Variants in NKAIN2 observed in about 807,000 individuals in gnomAD.
NKAIN2 encodes the protein sodium/potassium-transporting ATPase subunit beta-1-interacting protein 2.
NKAIN2 carries 14 observed loss-of-function variants against 32.6 expected under a neutral mutation model. That is an observed-to-expected ratio of 0.43 (90% CI 0.28 to 0.67). The LOEUF (loss-of-function observed/expected upper bound fraction) is 0.67. NKAIN2 is among the 30% of genes least tolerant of loss of function. The probability of loss-of-function intolerance (pLI) is 0.17; values close to 1 mark genes in which losing one functional copy is unlikely to be tolerated. For synonymous variants in NKAIN2, 80 were observed against 87.2 expected, an observed-to-expected ratio of 0.92 and a Z score of 0.46; for missense variants, 198 against 258.3, an observed-to-expected ratio of 0.77 and a Z score of 1.60.
At chr6:124,110,863 G>A (rs937650518) in intron 1 of NKAIN2, among the ~76,000 whole-genome samples, 7 of 152,056 alleles carry the variant, frequency 4.6e-5, no homozygotes, top group African/African-American at 1.7e-4. Context: ...ACATGCAAGT[G>A]TATGTGTATT....
intron 4 of NKAIN2, among the ~76,000 whole-genome samples, chr6:124,739,091 C>T (rs1363287751): frequency 1.7e-5 from 2 of 120,676 alleles, no homozygotes; most frequent in Admixed American, 1.7e-4. Context: ...AATAGTTAAG[C>T]CAACTGTTCA....
At chr6:124,376,113 C>T (rs935395581) in intron 3 of NKAIN2, among the ~76,000 whole-genome samples, 5 of 152,062 alleles carry the variant, frequency 3.3e-5, no homozygotes, top group African/African-American at 1.2e-4. Flanking sequence ...TTTAATTACT[C>T]TCTAATTGGA....
chr6:124,566,774 A>G (rs1472936890), intron 3 of NKAIN2, among the ~76,000 whole-genome samples: 1 of 152,134 alleles, frequency 6.6e-6, no homozygotes, highest in Non-Finnish European at 1.5e-5. Flanking sequence ...GACATAATTG[A>G]GTACTAAAAA....
chr6:124,359,501 T>C (rs1477449977), intron 3 of NKAIN2, among the ~76,000 whole-genome samples: 1 of 152,204 alleles, frequency 6.6e-6, no homozygotes, highest in East Asian at 1.9e-4. Context: ...CCTTGTAAGT[T>C]GGAGTCCTAG....
chr6:124,349,652 A>G (rs1798620183), intron 2 of NKAIN2, among the ~76,000 whole-genome samples: 1 of 152,158 alleles, frequency 6.6e-6, no homozygotes. Context: ...TCCTTTTCTA[A>G]TTAAGTTCTT....
chr6:124,103,155 A>G (rs1784967822), intron 1 of NKAIN2, among the ~76,000 whole-genome samples: 1 of 152,228 alleles, frequency 6.6e-6, no homozygotes, highest in African/African-American at 2.4e-5. Context: ...TTAATTATAT[A>G]TGAAAGCAAA....
chr6:124,779,635 A>C (rs1420292704), intron 4 of NKAIN2, among the ~76,000 whole-genome samples: 1 of 152,134 alleles, frequency 6.6e-6, no homozygotes, highest in Non-Finnish European at 1.5e-5. Context: ...CCTTACTATT[A>C]TTGCTCTTTA....
chr6:124,366,889 C>A (rs1251772834), intron 3 of NKAIN2, among the ~76,000 whole-genome samples: 1 of 150,114 alleles, frequency 6.7e-6, no homozygotes, highest in Non-Finnish European at 1.5e-5. Context: ...GATCGTGCCA[C>A]TGCACTCCAG....
At position 124,805,509 on chromosome 6, in the gene NKAIN2, G is replaced by C. The variant is rs566947568; in HGVS notation, c.536-12878G>C. Among the ~76,000 whole-genome samples the C allele has an allele frequency of 1.1e-4, 16 of 152,154 alleles. No individual in the cohort carries two copies. In the East Asian group the frequency reaches 2.7e-3, roughly 26 times the overall value. ...CCATCTGTACATCACCATCATCAAA[G>C]ACCAAAAGTACATAAAACCACAAAG... is the stretch of plus-strand genomic sequence containing the variant. On this transcript the variant is annotated intron_variant, in intron 5 of 6. Transcript: ENST00000368417.
chr6:124,328,438 G>C (rs1428097126), intron 2 of NKAIN2, among the ~76,000 whole-genome samples: 1 of 152,056 alleles, frequency 6.6e-6, no homozygotes, highest in African/African-American at 2.4e-5. Flanking sequence ...ATCTCATTTT[G>C]TGTTGGAGAA....
intron 1 of NKAIN2, among the ~76,000 whole-genome samples, chr6:124,249,267 AG>A (rs545520037): frequency 9.2e-5 from 14 of 152,206 alleles, no homozygotes; most frequent in African/African-American, 3.1e-4. Context: ...TTTGCCTGAC[AG>A]CAAAGCTCCT....
At chr6:124,765,165 A>T (rs753652460) in intron 4 of NKAIN2, among the ~76,000 whole-genome samples, 27 of 152,202 alleles carry the variant, frequency 1.8e-4, no homozygotes, top group Non-Finnish European at 3.8e-4. Flanking sequence ...TGAAACATGT[A>T]ACATTCTTTT....
intron 1 of NKAIN2, among the ~76,000 whole-genome samples, chr6:124,241,107 C>T (rs1014425971): frequency 1.3e-5 from 2 of 152,092 alleles, no homozygotes; most frequent in African/African-American, 4.8e-5. Flanking sequence ...AATAGAAAAA[C>T]AGAGAGCCAA....
intron 3 of NKAIN2, among the ~76,000 whole-genome samples, chr6:124,367,806 C>T (rs549780414): frequency 2.0e-5 from 3 of 152,190 alleles, no homozygotes; most frequent in African/African-American, 7.2e-5. Flanking sequence ...GTATCACTTA[C>T]TGCTGATACC....
intron 1 of NKAIN2, among the ~76,000 whole-genome samples, chr6:123,877,319 C>T (rs35197060): frequency 0.25 from 38,614 of 152,056 alleles, 5,684 homozygotes; most frequent in Non-Finnish European, 0.32. Flanking sequence ...ACATTTGCTA[C>T]GTAGATTTCT....
intron 1 of NKAIN2, among the ~76,000 whole-genome samples, chr6:124,120,903 A>T (rs1785847212): frequency 6.6e-6 from 1 of 152,108 alleles, no homozygotes; most frequent in African/African-American, 2.4e-5. Context: ...CAGTTTTAAA[A>T]CCGTATACTA....
intron 1 of NKAIN2, among the ~76,000 whole-genome samples, chr6:123,810,414 G>A (rs1773410737): frequency 6.6e-6 from 1 of 152,108 alleles, no homozygotes; most frequent in Non-Finnish European, 1.5e-5. Context: ...TTGATGTCAG[G>A]CTCCTGTCCA....
intron 1 of NKAIN2, among the ~76,000 whole-genome samples, chr6:124,108,177 A>G (rs1785205421): frequency 6.6e-6 from 1 of 152,074 alleles, no homozygotes; most frequent in Non-Finnish European, 1.5e-5. Context: ...CTCTTTATCA[A>G]TACTTGTTAT....
chr6:123,960,042 C>T (rs1193321307), intron 1 of NKAIN2, among the ~76,000 whole-genome samples: 2 of 151,622 alleles, frequency 1.3e-5, no homozygotes, highest in Non-Finnish European at 2.9e-5. Context: ...AAGAGGTAAA[C>T]ACTGGAAGTT....
Sources: gnomAD v4.1 joint callset for allele counts (sites outside exome capture counted in the v4.1 genomes callset) on GRCh38, gnomAD v4.1.1 for gene constraint, MANE v1.5 for transcripts, NCBI Gene and HGNC (gene_info 2026-07-23, HGNC 2026-07-21) for gene names.